ARPC1B: variants seen among roughly 807,000 people sequenced by gnomAD.
ARPC1B encodes actin-related protein 2/3 complex subunit 1B.
Under a neutral mutation model 46.0 loss-of-function variants are expected in ARPC1B, and 29 were observed. The ratio of observed to expected loss-of-function variants is 0.63; its 90% CI spans 0.47 to 0.86. ARPC1B has a LOEUF of 0.86. Ranked by LOEUF, ARPC1B falls within the 40% of genes least tolerant of loss-of-function variation. ARPC1B has a pLI of 0.00. For synonymous variants in ARPC1B, 201 were observed against 213.9 expected, an observed-to-expected ratio of 0.94 and a Z score of 0.53; for missense variants, 469 against 529.4, an observed-to-expected ratio of 0.89 and a Z score of 1.12.
intron 1 of ARPC1B, among the ~76,000 whole-genome samples, chr7:99,379,908 G>A (rs1489545634): frequency 1.3e-5 from 2 of 151,862 alleles, no homozygotes; most frequent in Non-Finnish European, 2.9e-5. Flanking sequence ...GCCTCCGAAA[G>A]TGCTGGGATT....
intron 2 of ARPC1B, chr7:99,386,384 G>T (rs1267727418): frequency 3.7e-6 from 2 of 543,648 alleles, no homozygotes; most frequent in East Asian, 8.7e-5. Flanking sequence ...CTGGGGAGGG[G>T]CTGGCAGGTG....
intron 1 of ARPC1B, among the ~76,000 whole-genome samples, chr7:99,378,004 A>G (rs1199829018): frequency 2.0e-5 from 3 of 151,984 alleles, no homozygotes; most frequent in African/African-American, 4.8e-5. Flanking sequence ...TACTCTTTCC[A>G]TATTGTCACC....
chr7:99,387,736 CAAAAAAA>C lies in ARPC1B; in HGVS notation c.170-287_170-281del, dbSNP rs35192470. Among the ~76,000 whole-genome samples, 8 of 61,428 alleles carry C rather than the reference CAAAAAAA, an allele frequency of 1.3e-4. No homozygotes were observed. In the East Asian group the frequency reaches 3.0e-3, roughly 23 times the overall value. The allele number at this position is 61,428 out of a possible 152,430, so 40.3% of individuals were successfully genotyped here. A position where few individuals can be genotyped will look rare whatever the true frequency, so the allele number is the denominator to read the frequency against. The stretch of plus-strand genomic sequence containing the variant: ...TGGGCGGCTGAGCGAGACTCTGTCT[CAAAAAAA>C]AAAAAAAAAAAAAAAGATTGGTGGT... On this transcript the variant is annotated intron_variant, in intron 3 of 9. Transcript: ENST00000646101.
intron 1 of ARPC1B, among the ~76,000 whole-genome samples, chr7:99,375,417 G>T (rs891512369): frequency 6.6e-6 from 1 of 152,166 alleles, no homozygotes; most frequent in Non-Finnish European, 1.5e-5. Context: ...TGGCTGGCGG[G>T]GTCCCGGAAC....
chr7:99,392,958 T>A lies in ARPC1B; in HGVS notation c.989+82T>A, dbSNP rs1794619786. Reference sequence around the variant, plus strand: ...CGTCGGGTGAGGAAGGGGCCTGGAGTCTTCCTCCTGGGGCATTGTGCTGGG... The same window carrying A: ...CGTCGGGTGAGGAAGGGGCCTGGAGACTTCCTCCTGGGGCATTGTGCTGGG... On this transcript the variant is annotated intron_variant, in intron 8 of 9. Coordinates refer to ENST00000646101, the MANE Select transcript of ARPC1B (RefSeq NM_005720.4). The A allele has an allele frequency of 8.2e-6, 11 of 1,342,998 alleles. 1 individual carries two copies. The East Asian group carries it at 2.9e-4, about 35-fold the overall frequency. The allele number at this position is 1,342,998 out of a possible 1,614,324, so 83.2% of individuals were successfully genotyped here.
chr7:99,384,852 C>T (rs1794331603), intron 1 of ARPC1B, among the ~76,000 whole-genome samples: 3 of 144,800 alleles, frequency 2.1e-5, no homozygotes, highest in South Asian at 4.4e-4. Flanking sequence ...TATGAGATTA[C>T]TTCATTTCTT....
chr7:99,377,175 GT>G lies in ARPC1B; in HGVS notation c.-14+2397del, dbSNP rs199550484. On this transcript the variant is annotated intron_variant, in intron 1 of 9. Transcript: ENST00000646101. ...CTCCATGCCCAGCTAATTTTTAAAT[GT>G]TTAGTAGAGGTAGGGTTTTGCTGTG... 7.4e-3 allele frequency among the ~76,000 whole-genome samples: 1,130 copies of G among 152,116 alleles called. 14 individuals are homozygous for G. The highest frequency in any genetic ancestry group is 0.026 in the African/African-American group (1,095 of 41,478).
intron 8 of ARPC1B, among the ~76,000 whole-genome samples, chr7:99,393,177 C>T (rs950352532): frequency 6.6e-6 from 1 of 152,130 alleles, no homozygotes; most frequent in Non-Finnish European, 1.5e-5. Context: ...TAGGGAGTGG[C>T]TTTGACTCGC....
Position 99,388,036 on chromosome 7 carries a change from C to T in ARPC1B, c.170-3C>T, listed in dbSNP as rs200594251. The T allele has an allele frequency of 3.4e-5, 54 of 1,592,882 alleles. No homozygotes were observed. The African/African-American group carries it at 6.8e-4, about 20-fold the overall frequency. ...CTCCTGTGTTCCCTCCATCCCCCCA[C>T]AGGCATCGACTGGGCCCCCGAGAGT... On this transcript the variant is annotated splice_polypyrimidine_tract_variant and splice_region_variant and intron_variant, in intron 3 of 9. Coordinates refer to ENST00000646101, the MANE Select transcript of ARPC1B (RefSeq NM_005720.4).
At chr7:99,390,846 C>G in intron 5 of ARPC1B, 47 bp from the exon 6 acceptor site, 6 of 1,528,850 alleles carry the variant, frequency 3.9e-6, no homozygotes, top group Non-Finnish European at 3.6e-6. Context: ...TACAGGTGCG[C>G]ACCACCATGC....
rs1482481691 is a variant in ARPC1B at position 99,374,943 on chromosome 7, T to G, written c.-14+162T>G. Among the ~76,000 whole-genome samples the G allele has an allele frequency of 1.7e-5, 2 of 119,652 alleles. No homozygotes were observed. Among genetic ancestry groups the G allele is most frequent in the Admixed American group, 2.0e-4 (2 of 10,082 alleles). The allele number at this position is 119,652 out of a possible 152,430, so 78.5% of individuals were successfully genotyped here. On this transcript the variant is annotated intron_variant, in intron 1 of 9. Coordinates refer to ENST00000646101, the MANE Select transcript of ARPC1B (RefSeq NM_005720.4). The surrounding 1 kb of genome is among the most constrained non-coding windows in gnomAD (Gnocchi z 5.0). ...GCGCCTGGAAGTGAGGACGCATAGA[T>G]GTGGGGCGCCGCCCAATAGGGGCAC...
At chr7:99,381,283 T>G (rs935048808) in intron 1 of ARPC1B, among the ~76,000 whole-genome samples, 7 of 152,132 alleles carry the variant, frequency 4.6e-5, no homozygotes, top group African/African-American at 1.7e-4. Context: ...CTTGCGTGTG[T>G]GCAAGGCTGA....
intron 6 of ARPC1B, 32 bp from the exon 7 acceptor site, chr7:99,391,146 G>C (rs756635642): frequency 1.2e-6 from 2 of 1,613,406 alleles, no homozygotes; most frequent in East Asian, 2.2e-5. Flanking sequence ...CAGAGGAGTG[G>C]GACACCGTGA....
chr7:99,391,820 G>A (rs1416608404), intron 7 of ARPC1B, among the ~76,000 whole-genome samples: 1 of 151,450 alleles, frequency 6.6e-6, no homozygotes, highest in Admixed American at 6.6e-5. Context: ...GGGAGGCCAA[G>A]GAGGGCAGAT....
upstream of ARPC1B, chr7:99,374,313 G>T (rs954071548): frequency 6.6e-6 from 1 of 152,068 alleles, no homozygotes; most frequent in Non-Finnish European, 1.5e-5. This position sits in a 1 kb window ranked among gnomAD's most constrained non-coding sequence, Gnocchi z 5.0. Context: ...GGCTGCCGAC[G>T]GGGCTGCAGG....
At position 99,379,327 on chromosome 7, in the gene ARPC1B, C is replaced by G. The variant is rs114974862; in HGVS notation, c.-14+4546C>G. 3.8e-3 allele frequency among the ~76,000 whole-genome samples: 575 copies of G among 152,236 alleles called. 3 individuals are homozygous for G. The highest frequency in any genetic ancestry group is 0.013 in the African/African-American group (558 of 41,544). On this transcript the variant is annotated intron_variant, in intron 1 of 9. Transcript: ENST00000646101. ...ACTTCACTCTGCGTGGTTGGTAAGA[C>G]TTCAAGAGCAGAGCTGGAGAGGGAA...
intron 7 of ARPC1B, 52 bp downstream of exon 7, chr7:99,391,305 A>G (rs777129401): frequency 1.3e-6 from 2 of 1,561,598 alleles, no homozygotes; most frequent in Non-Finnish European, 1.8e-6. Flanking sequence ...GGCCTCCGAG[A>G]GAGCCCAGCA....
At chr7:99,375,339 T>C (rs1359600218) in intron 1 of ARPC1B, among the ~76,000 whole-genome samples, 1 of 152,130 alleles carries the variant, frequency 6.6e-6, no homozygotes, top group Admixed American at 6.5e-5. Flanking sequence ...CCTGCCCTCC[T>C]GGCCGCTCCC....
intron 2 of ARPC1B, 135 bp from the exon 3 acceptor site, chr7:99,386,550 G>A: frequency 1.2e-6 from 1 of 807,914 alleles, no homozygotes; most frequent in Non-Finnish European, 2.2e-6. Flanking sequence ...GACTTCAGGG[G>A]GCCCCTGCAA....
Sources: allele counts gnomAD v4.1 joint callset (sites outside exome capture counted in the v4.1 genomes callset), GRCh38; gene constraint gnomAD v4.1.1; non-coding constraint Gnocchi (gnomAD v3.1); transcripts MANE v1.5; gene names NCBI Gene and HGNC (gene_info 2026-07-23, HGNC 2026-07-21).